Variants in CDH10 observed in about 807,000 individuals in gnomAD.
The protein encoded by CDH10 is cadherin-10.
A neutral mutation model predicts 73.1 loss-of-function variants in CDH10; 30 were observed. The ratio of observed to expected loss-of-function variants is 0.41; its 90% CI spans 0.31 to 0.56. The LOEUF (loss-of-function observed/expected upper bound fraction) is 0.56. Ranked by LOEUF, CDH10 falls within the 20% of genes least tolerant of loss-of-function variation. The pLI, the probability that CDH10 is intolerant of heterozygous loss-of-function variation, is 0.27. For synonymous variants in CDH10, 345 were observed against 348.2 expected (o/e 0.99, Z 0.10); for missense variants, 815 against 973.7 (o/e 0.84, Z 2.17).
intron 2 of CDH10, among the ~76,000 whole-genome samples, chr5:24,590,968 T>C (rs1421460383): frequency 6.6e-6 from 1 of 152,072 alleles, no homozygotes; most frequent in African/African-American, 2.4e-5. Context: ...GAATAATTTC[T>C]GAAAGAAAAT....
intron 1 of CDH10, among the ~76,000 whole-genome samples, chr5:24,630,754 T>C (rs1747677782): frequency 6.6e-6 from 1 of 151,730 alleles, no homozygotes; most frequent in Non-Finnish European, 1.5e-5. Context: ...ATGAGGCAAA[T>C]TACAAGAGAG....
At chr5:24,588,866 G>A (rs1027643195) in intron 2 of CDH10, among the ~76,000 whole-genome samples, 1 of 152,112 alleles carries the variant, frequency 6.6e-6, no homozygotes, top group Admixed American at 6.5e-5. Context: ...ATAAAAACAT[G>A]CTTTTTGAGT....
intron 1 of CDH10, among the ~76,000 whole-genome samples, chr5:24,593,908 A>C (rs1300159568): frequency 6.6e-6 from 1 of 151,876 alleles, no homozygotes; most frequent in Non-Finnish European, 1.5e-5. Context: ...TGCTATATAC[A>C]CAGGAGATAT....
At chr5:24,542,899 A>G (rs79208003) in intron 2 of CDH10, among the ~76,000 whole-genome samples, 1 of 152,016 alleles carries the variant, frequency 6.6e-6, no homozygotes, top group Admixed American at 6.6e-5. Flanking sequence ...CAAAGGCCCC[A>G]CCTCCTAAAA....
intron 2 of CDH10, among the ~76,000 whole-genome samples, chr5:24,549,037 A>C (rs1287465293): frequency 2.0e-5 from 3 of 152,214 alleles, no homozygotes; most frequent in African/African-American, 7.2e-5. Context: ...GACATTCATA[A>C]ATCAACAGAG....
chr5:24,644,070 C>A (rs1748139340), intron 1 of CDH10, among the ~76,000 whole-genome samples: 2 of 152,034 alleles, frequency 1.3e-5, no homozygotes, highest in South Asian at 4.1e-4. Flanking sequence ...TGCTTAGTGA[C>A]CATTGACAGT....
intron 2 of CDH10, among the ~76,000 whole-genome samples, chr5:24,550,392 T>C (rs560037203): frequency 1.7e-4 from 26 of 151,956 alleles, no homozygotes; most frequent in African/African-American, 6.0e-4. Context: ...TAAAAAAAAA[T>C]GATGTATTCC....
intron 1 of CDH10, chr5:24,609,856 G>C (rs913022256): frequency 1.3e-5 from 2 of 152,318 alleles, no homozygotes; most frequent in South Asian, 2.1e-4. Context: ...CGATGATCAG[G>C]CACCCGTCAG....
rs528076805 is a variant in CDH10 at position 24,515,777 on chromosome 5, G to A, written c.815-4263C>T. ...AATCTCATCTTGAATTGTAGCTCCC[G>A]CAATTCCCACGTGTCATGGGAGGGA... On this transcript the variant is annotated intron_variant, in intron 5 of 11. Transcript: ENST00000264463. 1.6e-3 allele frequency among the ~76,000 whole-genome samples: 247 copies of A among 152,180 alleles called. 4 individuals are homozygous for A. The highest frequency in any genetic ancestry group is 3.8e-4 in the Non-Finnish European group (26 of 68,000).
intron 1 of CDH10, chr5:24,613,144 A>G (rs1747005569): frequency 6.6e-6 from 1 of 150,978 alleles, no homozygotes; most frequent in South Asian, 2.1e-4. Context: ...CCTCTTTCTT[A>G]AGAGAAAAAA....
intron 2 of CDH10, among the ~76,000 whole-genome samples, chr5:24,590,533 T>C (rs189180344): frequency 6.6e-6 from 1 of 151,938 alleles, no homozygotes; most frequent in East Asian, 1.9e-4. Flanking sequence ...ACATTCTAGG[T>C]TTTCTGATTG....
At chr5:24,572,095 T>C (rs1254994167) in intron 2 of CDH10, among the ~76,000 whole-genome samples, 5 of 151,994 alleles carry the variant, frequency 3.3e-5, no homozygotes, top group Non-Finnish European at 5.9e-5. Context: ...AAAACAAAAT[T>C]TGTTGTCTAG....
chr5:24,488,375 T>G (rs1313051940), intron 11 of CDH10, among the ~76,000 whole-genome samples: 1 of 152,170 alleles, frequency 6.6e-6, no homozygotes, highest in Non-Finnish European at 1.5e-5. Context: ...AATTTATTTT[T>G]AAAACAACGT....
At chr5:24,637,854 C>T (rs766996674) in intron 1 of CDH10, among the ~76,000 whole-genome samples, 2 of 151,744 alleles carry the variant, frequency 1.3e-5, no homozygotes, top group African/African-American at 2.4e-5. Flanking sequence ...CTGGAAACAG[C>T]GGTTCCTATG....
chr5:24,578,827 T>C (rs1745690582), intron 2 of CDH10, among the ~76,000 whole-genome samples: 1 of 152,158 alleles, frequency 6.6e-6, no homozygotes, highest in Non-Finnish European at 1.5e-5. Flanking sequence ...GCCTACCTGA[T>C]TTTATGTGGC....
At chr5:24,516,451 C>T (rs556368353) in intron 5 of CDH10, among the ~76,000 whole-genome samples, 33 of 147,626 alleles carry the variant, frequency 2.2e-4, no homozygotes, top group Admixed American at 1.8e-3. Context: ...CAATTAATAC[C>T]ACCATTTACT....
chr5:24,603,372 G>C (rs1441086960), intron 1 of CDH10, among the ~76,000 whole-genome samples: 1 of 152,150 alleles, frequency 6.6e-6, no homozygotes, highest in African/African-American at 2.4e-5. Flanking sequence ...ACATTACAAA[G>C]AGGAGAATAT....
intron 1 of CDH10, among the ~76,000 whole-genome samples, chr5:24,619,646 T>A (rs999615693): frequency 1.3e-5 from 2 of 152,182 alleles, no homozygotes; most frequent in Non-Finnish European, 2.9e-5. Flanking sequence ...ATGCTGAATA[T>A]TTATAAATAT....
rs756200941 is a variant in CDH10 at position 24,487,805 on chromosome 5, T to G, written c.2225A>C (p.Asp742Ala). 2 of 1,614,006 alleles carry G rather than the reference T, an allele frequency of 1.2e-6. No homozygotes were observed. Among genetic ancestry groups the G allele is most frequent in the Non-Finnish European group, 1.7e-6 (2 of 1,179,952 alleles). ...TGAACTCAGAGATTCAGCAATGGAA[T>G]CATTTCCTTCATAGGCATAGGTTGC... The part of the protein sequence containing the change: ...SLATYAYEGN[D>A]SIAESLSSLE... Residue 742 changes from aspartate (D) to alanine (A), a missense_variant, in exon 12 of 12, where the codon GAT (aspartate) becomes GCT (alanine). By Grantham distance (126) the Asp-to-Ala change is moderately radical. Around this residue, in one of 3 missense-constraint regions of CDH10, gnomAD observed 241 missense variants for 240.3 expected, o/e 1.00. Coordinates refer to ENST00000264463, the MANE Select transcript of CDH10 (RefSeq NM_006727.5).
Sources: allele counts gnomAD v4.1 joint callset (sites outside exome capture counted in the v4.1 genomes callset), GRCh38; gene constraint gnomAD v4.1.1; regional missense constraint gnomAD v4.1.1; transcripts MANE v1.5; gene names NCBI Gene and HGNC (gene_info 2026-07-23, HGNC 2026-07-21).